EPHB1: variants seen among roughly 807,000 people sequenced by gnomAD.
EPHB1 encodes EPH receptor B1.
A neutral mutation model predicts 94.4 loss-of-function variants in EPHB1; 30 were observed. The ratio of observed to expected loss-of-function variants is 0.32; its 90% CI spans 0.24 to 0.43. The LOEUF (loss-of-function observed/expected upper bound fraction) is 0.43, where lower values mean the gene tolerates loss of function less well. Among genes scored for constraint, EPHB1 ranks in the 20% least tolerant of loss-of-function variants. The probability of loss-of-function intolerance (pLI) is 1.00; values close to 1 mark genes in which losing one functional copy is unlikely to be tolerated. For missense variants in EPHB1, 1,055 were observed against 1,308.3 expected, an observed-to-expected ratio of 0.81 and a Z score of 2.99; for synonymous variants, 522 against 489.1, an observed-to-expected ratio of 1.07 and a Z score of -0.89.
At chr3:134,991,389 G>A (rs1934792188) in intron 3 of EPHB1, among the ~76,000 whole-genome samples, 1 of 152,122 alleles carries the variant, frequency 6.6e-6, no homozygotes, top group South Asian at 2.1e-4. Context: ...TCGCAACCAG[G>A]GCTGGTCTTC....
intron 14 of EPHB1, among the ~76,000 whole-genome samples, chr3:135,248,935 T>C (rs1463194437): frequency 5.3e-5 from 8 of 151,774 alleles, no homozygotes; most frequent in Admixed American, 4.6e-4. Flanking sequence ...TAGCTAAGGA[T>C]GAAACTAGGA....
chr3:135,129,615 G>T (rs1940347833), intron 4 of EPHB1, among the ~76,000 whole-genome samples: 1 of 152,222 alleles, frequency 6.6e-6, no homozygotes, highest in African/African-American at 2.4e-5. Flanking sequence ...AACTGCCCCT[G>T]TCTACCAGGA....
chr3:134,950,754 GGAATCACATTTCAACATGA>G (rs1932996808), intron 2 of EPHB1, among the ~76,000 whole-genome samples: 1 of 152,030 alleles, frequency 6.6e-6, no homozygotes, highest in East Asian at 1.9e-4. Flanking sequence ...TCCAACATTG[GGAATCACATTTCAACATGA>G]GATTCGGAAA....
At chr3:135,113,509 C>T (rs1939549107) in intron 4 of EPHB1, among the ~76,000 whole-genome samples, 1 of 152,214 alleles carries the variant, frequency 6.6e-6, no homozygotes, top group African/African-American at 2.4e-5. Context: ...AGCCTTCTCC[C>T]TCCAGTAACC....
At chr3:135,155,487 C>T (rs1941324521) in intron 6 of EPHB1, among the ~76,000 whole-genome samples, 1 of 151,926 alleles carries the variant, frequency 6.6e-6, no homozygotes, top group African/African-American at 2.4e-5. Flanking sequence ...AGAGAGATTA[C>T]CAGAGGAGGT....
chr3:134,947,243 A>G (rs980604643), intron 2 of EPHB1, among the ~76,000 whole-genome samples: 1 of 152,180 alleles, frequency 6.6e-6, no homozygotes, highest in Non-Finnish European at 1.5e-5. Flanking sequence ...ATTGTAAATG[A>G]AGTATATGTT....
intron 12 of EPHB1, among the ~76,000 whole-genome samples, chr3:135,222,942 C>T (rs1943306666): frequency 2.0e-5 from 3 of 152,150 alleles, no homozygotes; most frequent in Admixed American, 6.5e-5. Flanking sequence ...TCCCCATAGG[C>T]TCTGTTATTT....
At chr3:135,248,833 C>T (rs1354437657) in intron 14 of EPHB1, among the ~76,000 whole-genome samples, 1 of 151,796 alleles carries the variant, frequency 6.6e-6, no homozygotes, top group Non-Finnish European at 1.5e-5. Flanking sequence ...AGATAGCACC[C>T]GGATTTCTGG....
At chr3:135,257,993 C>A (rs1236747722) in intron 15 of EPHB1, among the ~76,000 whole-genome samples, 1 of 152,162 alleles carries the variant, frequency 6.6e-6, no homozygotes, top group Non-Finnish European at 1.5e-5. Context: ...CCGTCCATCA[C>A]CCTTTTCTTT....
At chr3:134,825,111 A>G (rs888007033) in intron 1 of EPHB1, among the ~76,000 whole-genome samples, 2 of 152,236 alleles carry the variant, frequency 1.3e-5, no homozygotes, top group Non-Finnish European at 2.9e-5. Flanking sequence ...TTTGCTATGT[A>G]AGATAAAACC....
intron 3 of EPHB1, among the ~76,000 whole-genome samples, chr3:135,023,545 A>T (rs1459692759): frequency 6.6e-6 from 1 of 152,186 alleles, no homozygotes; most frequent in African/African-American, 2.4e-5. Context: ...AGTGCAATAG[A>T]AGGTGGCCTG....
At chr3:134,958,368 C>G (rs1252249226) in intron 3 of EPHB1, among the ~76,000 whole-genome samples, 1 of 152,036 alleles carries the variant, frequency 6.6e-6, no homozygotes, top group Non-Finnish European at 1.5e-5. Flanking sequence ...TTCCCCCTGC[C>G]TCCTCATCCT....
At chr3:135,156,378 T>C (rs1034529199) in intron 6 of EPHB1, among the ~76,000 whole-genome samples, 2 of 152,168 alleles carry the variant, frequency 1.3e-5, no homozygotes, top group African/African-American at 2.4e-5. Flanking sequence ...CAGAGACCTA[T>C]GGGCCTGCAA....
At chr3:134,974,351 G>A (rs12496589) in intron 3 of EPHB1, among the ~76,000 whole-genome samples, 9,084 of 152,232 alleles carry the variant, frequency 0.06, 507 homozygotes, top group Admixed American at 0.15. Context: ...CTTACTAGCT[G>A]TATGACCTTG....
chr3:135,000,647 T>A (rs1559789265), intron 3 of EPHB1, among the ~76,000 whole-genome samples: 1 of 152,216 alleles, frequency 6.6e-6, no homozygotes, highest in Non-Finnish European at 1.5e-5. Context: ...GTTGGCATTG[T>A]TACAAAAACT....
intron 12 of EPHB1, among the ~76,000 whole-genome samples, chr3:135,221,394 G>A (rs576191782): frequency 9.2e-5 from 14 of 152,038 alleles, no homozygotes; most frequent in Non-Finnish European, 8.8e-5. Context: ...TTTTGTTGTT[G>A]TTTATTTGTT....
chr3:135,188,720 C>T (rs1942391665), intron 10 of EPHB1, among the ~76,000 whole-genome samples: 1 of 152,206 alleles, frequency 6.6e-6, no homozygotes, highest in Admixed American at 6.5e-5. Flanking sequence ...CATGGAGCTT[C>T]TTCCTCCACT....
chr3:135,232,051 T>C (rs945063828), intron 12 of EPHB1, among the ~76,000 whole-genome samples: 3 of 152,192 alleles, frequency 2.0e-5, no homozygotes, highest in South Asian at 2.1e-4. Flanking sequence ...CTTTATTATA[T>C]AGACTCAGTT....
intron 12 of EPHB1, among the ~76,000 whole-genome samples, chr3:135,208,486 T>C (rs928980816): frequency 6.6e-6 from 1 of 152,192 alleles, no homozygotes; most frequent in Non-Finnish European, 1.5e-5. Flanking sequence ...CTTCCTGTTT[T>C]CTTTCACCAA....
Sources: allele counts gnomAD v4.1 joint callset (sites outside exome capture counted in the v4.1 genomes callset), GRCh38; gene constraint gnomAD v4.1.1; transcripts MANE v1.5; gene names NCBI Gene and HGNC (gene_info 2026-07-23, HGNC 2026-07-21).